Variants in GLYATL1 observed in about 807,000 individuals in gnomAD.
The protein encoded by GLYATL1 is glycine N-acyltransferase-like protein 1.
GLYATL1 carries 15 observed loss-of-function variants against 20.0 expected under a neutral mutation model. The ratio of observed to expected loss-of-function variants is 0.75; its 90% CI spans 0.50 to 1.15. The LOEUF (loss-of-function observed/expected upper bound fraction) is 1.15, where lower values mean the gene tolerates loss of function less well. Ranked by LOEUF, GLYATL1 falls within the 50% of genes most tolerant of loss-of-function variation. The pLI is 0.00. For synonymous variants in GLYATL1, 151 were observed against 131.5 expected, an observed-to-expected ratio of 1.15 and a Z score of -1.01; for missense variants, 380 against 368.5, an observed-to-expected ratio of 1.03 and a Z score of -0.26.
intron 1 of GLYATL1, 176 bp from the exon 2 acceptor site, chr11:58,943,367 T>A (rs1447383667): frequency 6.5e-7 from 1 of 1,546,914 alleles, no homozygotes; most frequent in Admixed American, 2.0e-5. Context: ...TGTACCTGAT[T>A]TCTGGTTCCT....
chr11:58,923,296 G>T (rs1855350738), upstream of GLYATL1, among the ~76,000 whole-genome samples: 1 of 152,182 alleles, frequency 6.6e-6, no homozygotes. Context: ...CAAACTACGT[G>T]CAATTGCTTT....
chr11:58,955,861 T>C lies in GLYATL1; in HGVS notation c.743T>C (p.Met248Thr), dbSNP rs1857380221. Residue 248 changes from methionine to threonine, a missense_variant, in exon 7 of 7, where the codon ATG becomes ACG. Physicochemically the swap from Met to Thr is moderately conservative, Grantham distance 81. Coordinates refer to ENST00000532726, the MANE Select transcript of GLYATL1 (RefSeq NM_001389712.2). ...AGGACAGGCAACATGGCACGAGTGA[T>C]GGTGCGATACATGAAATATCTGCGT... ...YRRTGNMARV[M>T]VRYMKYLRQK... The C allele has an allele frequency of 6.2e-7, 1 of 1,614,208 alleles. No individual in the cohort carries two copies. Among genetic ancestry groups the C allele is most frequent in the Non-Finnish European group, 8.5e-7 (1 of 1,180,044 alleles).
At chr11:58,951,180 GTT>G (rs1020058387) in intron 4 of GLYATL1, among the ~76,000 whole-genome samples, 5 of 151,890 alleles carry the variant, frequency 3.3e-5, no homozygotes, top group African/African-American at 1.2e-4. Flanking sequence ...TGAGTTAATT[GTT>G]ACTTTTGACA....
chr11:58,943,856 A>G (rs1432007941), intron 2 of GLYATL1, among the ~76,000 whole-genome samples, 190 bp downstream of exon 2: 3 of 152,212 alleles, frequency 2.0e-5, no homozygotes, highest in Non-Finnish European at 4.4e-5. Context: ...TCACTGGGTC[A>G]GAAAGGAACT....
upstream of GLYATL1, among the ~76,000 whole-genome samples, chr11:58,937,718 C>G (rs984387730): frequency 2.6e-5 from 4 of 152,216 alleles, no homozygotes; most frequent in Non-Finnish European, 5.9e-5. Context: ...AAAGGCAACT[C>G]TCCTCAGATT....
intron 1 of GLYATL1, among the ~76,000 whole-genome samples, chr11:58,943,076 A>G (rs1007177063): frequency 1.3e-5 from 2 of 152,230 alleles, no homozygotes; most frequent in African/African-American, 4.8e-5. Flanking sequence ...GATAGCATGT[A>G]TAGACAATCC....
chr11:58,905,523 A>C (rs1343468016), exon 1 of GLYATL1: 2 of 456,102 alleles, frequency 4.4e-6, no homozygotes. Context: ...TCGCAATCAA[A>C]AGGCGGAAAA....
At chr11:58,911,590 C>T (rs529010193), downstream of GLYATL1, among the ~76,000 whole-genome samples, 1 of 152,198 alleles carries the variant, frequency 6.6e-6, no homozygotes, top group South Asian at 2.1e-4. Flanking sequence ...TTTTTATGTT[C>T]TTATATCATC....
chr11:58,947,157 T>A lies in GLYATL1; in HGVS notation c.70T>A (p.Ser24Thr), dbSNP rs761055707. ...YKSLARSIPE[S>T]LKVYGSVYHI... ...ATCCTTGGCCAGGAGCATCCCTGAG[T>A]CCCTGAAGGTCAGGGAACAGTGGGA... Residue 24 changes from serine to threonine, a missense_variant, in exon 3 of 7, where the codon TCC becomes ACC. Physicochemically the swap from Ser to Thr is moderately conservative, Grantham distance 58. Coordinates refer to ENST00000532726, the MANE Select transcript of GLYATL1 (RefSeq NM_001389712.2). The A allele has an allele frequency of 1.2e-6, 2 of 1,613,188 alleles. No individual in the cohort carries two copies. Among genetic ancestry groups the A allele is most frequent in the African/African-American group, 2.7e-5 (2 of 74,836 alleles).
chr11:58,910,190 G>T (rs1164564864), downstream of GLYATL1, among the ~76,000 whole-genome samples: 2 of 152,226 alleles, frequency 1.3e-5, no homozygotes, highest in East Asian at 3.9e-4. Context: ...GGGTAGAATA[G>T]CTTTCTGGAA....
intron 1 of GLYATL1, among the ~76,000 whole-genome samples, chr11:58,905,979 C>T (rs1854868184): frequency 6.6e-6 from 1 of 152,234 alleles, no homozygotes; most frequent in Non-Finnish European, 1.5e-5. Context: ...AGGCTCCCTC[C>T]CGCGCGCCAG....
intron 3 of GLYATL1, chr11:58,947,411 G>T: frequency 1.8e-6 from 1 of 549,962 alleles, no homozygotes; most frequent in East Asian, 3.0e-5. Flanking sequence ...TACGAACATG[G>T]TTTGGAGCCT....
In GLYATL1 at chr11:58,955,602, G is replaced by C; in HGVS notation, c.492-8G>C. ...GAAAGTTGTTGTCTTTCTTTTTGTT[G>C]TCTACAGTGAAACTCCCAACTTTAA... On this transcript the variant is annotated splice_polypyrimidine_tract_variant and splice_region_variant and intron_variant, in intron 6 of 6. Coordinates refer to ENST00000532726, the MANE Select transcript of GLYATL1 (RefSeq NM_001389712.2). 1 of 1,610,784 alleles carries C rather than the reference G, an allele frequency of 6.2e-7. No individual in the cohort carries two copies. The highest frequency in any genetic ancestry group is 8.5e-7 in the Non-Finnish European group (1 of 1,177,996).
At chr11:58,925,002 A>C (rs1275011861), upstream of GLYATL1, among the ~76,000 whole-genome samples, 1 of 152,174 alleles carries the variant, frequency 6.6e-6, no homozygotes, top group East Asian at 1.9e-4. Flanking sequence ...CCTTAGCATA[A>C]TGTGTGAGGC....
chr11:58,946,991 C>G, intron 2 of GLYATL1, 55 bp from the exon 3 acceptor site: 2 of 1,274,414 alleles, frequency 1.6e-6, no homozygotes, highest in Non-Finnish European at 2.3e-6. Flanking sequence ...GTATAAAGTG[C>G]ATTTTAAATT....
At chr11:58,909,556 C>A (rs561305179), downstream of GLYATL1, among the ~76,000 whole-genome samples, 4 of 152,196 alleles carry the variant, frequency 2.6e-5, no homozygotes, top group East Asian at 1.9e-4. Context: ...CTAATTTATT[C>A]TTTTAAAAGA....
At chr11:58,919,346 C>T (rs1855254441) in intron 1 of GLYATL1, among the ~76,000 whole-genome samples, 1 of 152,208 alleles carries the variant, frequency 6.6e-6, no homozygotes, top group Non-Finnish European at 1.5e-5. Context: ...AAGACCTGAT[C>T]CCACCTCAGA....
At position 58,915,193 on chromosome 11, in the gene GLYATL1, G is replaced by A. The variant is rs555662131; in HGVS notation, n.264+9532G>A. ...ACAATATCTCCAAATATGCCTGCCA[G>A]TCACACATAAACTCTTAGAAGGCAT... On this transcript the variant is annotated intron_variant and non_coding_transcript_variant, in intron 1 of 2. Transcript: ENST00000534674. Among the ~76,000 whole-genome samples, 6 of 152,290 alleles carry A rather than the reference G, an allele frequency of 3.9e-5. No homozygotes were observed. In the South Asian group the frequency reaches 1.2e-3, roughly 32 times the overall value.
At chr11:58,946,893 AT>A in intron 2 of GLYATL1, 152 bp from the exon 3 acceptor site, 1 of 671,692 alleles carries the variant, frequency 1.5e-6, no homozygotes, top group South Asian at 1.8e-5. Flanking sequence ...AACTTGAGAA[AT>A]TTACTTAGTC....
Sources: allele counts gnomAD v4.1 joint callset (sites outside exome capture counted in the v4.1 genomes callset), GRCh38; gene constraint gnomAD v4.1.1; transcripts MANE v1.5; gene names NCBI Gene and HGNC (gene_info 2026-07-23, HGNC 2026-07-21).